CPS1: variants seen among roughly 807,000 people sequenced by gnomAD.
CPS1 encodes the protein carbamoyl-phosphate synthase 1.
CPS1 carries 109 observed loss-of-function variants against 174.6 expected under a neutral mutation model. The observed-to-expected ratio is 0.62, with a 90% CI of 0.53 to 0.73. The LOEUF (loss-of-function observed/expected upper bound fraction) is 0.73. CPS1 is among the 30% of genes least tolerant of loss of function. CPS1 has a pLI of 0.00. For synonymous variants in CPS1, 637 were observed against 632.0 expected (o/e 1.01, Z -0.12); for missense variants, 1,689 against 1,821.9 (o/e 0.93, Z 1.33).
intron 1 of CPS1, among the ~76,000 whole-genome samples, chr2:210,568,801 G>T (rs1275175813): frequency 6.6e-6 from 1 of 151,988 alleles, no homozygotes; most frequent in East Asian, 1.9e-4. Flanking sequence ...CTACATTTTA[G>T]ATAAGTTCCA....
intron 33 of CPS1, among the ~76,000 whole-genome samples, chr2:210,663,646 G>T (rs1700995688): frequency 6.6e-6 from 1 of 151,092 alleles, no homozygotes; most frequent in Non-Finnish European, 1.5e-5. Context: ...GCAGATACAT[G>T]CAAAATTTTA....
intron 21 of CPS1, among the ~76,000 whole-genome samples, chr2:210,626,146 T>C (rs1699691869): frequency 6.6e-6 from 1 of 152,150 alleles, no homozygotes; most frequent in Non-Finnish European, 1.5e-5. Flanking sequence ...GAATGCAGAA[T>C]AGAGTTCACT....
intron 1 of CPS1, among the ~76,000 whole-genome samples, chr2:210,517,162 A>G (rs1474072449): frequency 1.3e-5 from 2 of 151,996 alleles, no homozygotes; most frequent in Non-Finnish European, 2.9e-5. Flanking sequence ...TAACCTAAGG[A>G]AAGTCCAAGA....
At chr2:210,585,082 A>C (rs1698060889) in intron 6 of CPS1, among the ~76,000 whole-genome samples, 1 of 152,068 alleles carries the variant, frequency 6.6e-6, no homozygotes, top group Non-Finnish European at 1.5e-5. Flanking sequence ...AACAAGGATC[A>C]AATTGCATTT....
intron 32 of CPS1, among the ~76,000 whole-genome samples, chr2:210,662,421 T>A (rs943684286): frequency 2.0e-5 from 3 of 152,156 alleles, no homozygotes; most frequent in African/African-American, 7.2e-5. Context: ...AGAATTCCCA[T>A]CATAATTTAG....
At chr2:210,607,017 A>C in intron 18 of CPS1, 76 bp downstream of exon 18, 1 of 1,302,046 alleles carries the variant, frequency 7.7e-7, no homozygotes, top group Non-Finnish European at 1.1e-6. Flanking sequence ...ATAGTGGAAG[A>C]CTGTACTGCA....
At chr2:210,647,586 A>G (rs1367385803) in intron 25 of CPS1, among the ~76,000 whole-genome samples, 7 of 152,220 alleles carry the variant, frequency 4.6e-5, no homozygotes, top group Admixed American at 4.6e-4. Flanking sequence ...CATAGCAAAC[A>G]TTTATTGACT....
chr2:210,621,035 A>G (rs550037887), intron 21 of CPS1, among the ~76,000 whole-genome samples: 2 of 152,184 alleles, frequency 1.3e-5, no homozygotes, highest in South Asian at 2.1e-4. Flanking sequence ...GGTAATAACC[A>G]TTATTTAGAC....
intron 1 of CPS1, among the ~76,000 whole-genome samples, chr2:210,507,548 G>A (rs1260062097): frequency 6.6e-6 from 1 of 151,764 alleles, no homozygotes; most frequent in African/African-American, 2.4e-5. Context: ...AAATGTAAAT[G>A]GGCTAAATGC....
chr2:210,526,284 T>C (rs1403423676), intron 1 of CPS1, among the ~76,000 whole-genome samples: 1 of 151,632 alleles, frequency 6.6e-6, no homozygotes, highest in Non-Finnish European at 1.5e-5. Flanking sequence ...CTAATGTAGA[T>C]GATGGGTTGA....
chr2:210,606,926 C>T lies in CPS1; in HGVS notation c.2177C>T (p.Ala726Val). ...AGACTGTCCCGAAGCTCTGCTCTGGCCTCAAAAGCCACTGGGTAAGACCAG... is the reference window on the plus strand; with the variant it reads ...AGACTGTCCCGAAGCTCTGCTCTGGTCTCAAAAGCCACTGGGTAAGACCAG... ...NARLSRSSAL[A>V]SKATGYPLAF... Residue 726 changes from alanine (A) to valine (V), a missense_variant, in exon 18 of 38, where the codon GCC becomes GTC. Transcript: ENST00000233072. The T allele has an allele frequency of 6.2e-7, 1 of 1,612,108 alleles. No homozygotes were observed. The highest frequency in any genetic ancestry group is 8.5e-7 in the Non-Finnish European group (1 of 1,178,870).
chr2:210,600,573 G>A lies in CPS1; in HGVS notation c.1568G>A (p.Arg523Lys). Residue 523 changes from arginine to lysine, a missense_variant, in exon 15 of 38, where the codon AGA becomes AAA. Coordinates refer to ENST00000233072, the MANE Select transcript of CPS1 (RefSeq NM_001875.5). ...ALNCGVELFK[R>K]GVLKEYGVKV... ...TCTTTAGGAGTGGAACTATTCAAGA[G>A]AGGTGTGCTCAAGGAATATGGTGTG... is the stretch of plus-strand genomic sequence containing the variant. The A allele has an allele frequency of 1.2e-6, 2 of 1,612,110 alleles. No individual in the cohort carries two copies. Among genetic ancestry groups the A allele is most frequent in the Non-Finnish European group, 1.7e-6 (2 of 1,178,770 alleles).
intron 13 of CPS1, 77 bp from the exon 14 acceptor site, chr2:210,599,295 A>T (rs1698616618): frequency 7.4e-7 from 1 of 1,353,066 alleles, no homozygotes; most frequent in African/African-American, 1.4e-5. Context: ...TAGTTACCCC[A>T]TGTCTTTTTA....
At chr2:210,670,842 C>T (rs1413606269) in intron 34 of CPS1, among the ~76,000 whole-genome samples, 1 of 152,094 alleles carries the variant, frequency 6.6e-6, no homozygotes, top group Non-Finnish European at 1.5e-5. Context: ...GTCAAAGTAT[C>T]TGGGAAGTTT....
At chr2:210,611,321 AGC>A (rs1699112444) in intron 19 of CPS1, among the ~76,000 whole-genome samples, 1 of 152,010 alleles carries the variant, frequency 6.6e-6, no homozygotes, top group African/African-American at 2.4e-5. Flanking sequence ...TACTGAAAAT[AGC>A]ATTATGACTG....
chr2:210,601,168 T>G (rs1698712718), intron 15 of CPS1, among the ~76,000 whole-genome samples: 1 of 151,930 alleles, frequency 6.6e-6, no homozygotes, highest in Admixed American at 6.6e-5. Context: ...CTGGAAAACC[T>G]GTAGTTTAGA....
chr2:210,588,345 T>A (rs1325478029), intron 7 of CPS1, among the ~76,000 whole-genome samples, 198 bp downstream of exon 7: 16 of 148,216 alleles, frequency 1.1e-4, no homozygotes, highest in African/African-American at 4.0e-4. Context: ...GTTTTTTCTT[T>A]AAAAAAAAAA....
intron 7 of CPS1, among the ~76,000 whole-genome samples, chr2:210,589,095 C>A (rs958528022): frequency 6.6e-6 from 1 of 151,996 alleles, no homozygotes; most frequent in Non-Finnish European, 1.5e-5. Flanking sequence ...GTTTAACCAC[C>A]CTGGCTCCTT....
At chr2:210,612,028 T>C (rs1699142921) in intron 19 of CPS1, 89 bp from the exon 20 acceptor site, 2 of 1,233,448 alleles carry the variant, frequency 1.6e-6, no homozygotes, top group East Asian at 4.8e-5. Flanking sequence ...TTATTTGTTT[T>C]ATAAAATATA....
Sources: allele counts gnomAD v4.1 joint callset (sites outside exome capture counted in the v4.1 genomes callset), GRCh38; gene constraint gnomAD v4.1.1; transcripts MANE v1.5; gene names NCBI Gene and HGNC (gene_info 2026-07-23, HGNC 2026-07-21).